Variants in CPA4 observed in about 807,000 individuals in gnomAD.
The protein encoded by CPA4 is carboxypeptidase A3.
CPA4 carries 49 observed loss-of-function variants against 54.7 expected under a neutral mutation model. The ratio of observed to expected loss-of-function variants is 0.90; its 90% CI spans 0.71 to 1.14. CPA4 has a LOEUF of 1.14. Ranked by LOEUF, CPA4 falls within the 50% of genes most tolerant of loss-of-function variation. CPA4 has a pLI of 0.00. For missense variants in CPA4, 487 were observed against 525.1 expected (o/e 0.93, Z 0.71); for synonymous variants, 215 against 206.8 (o/e 1.04, Z -0.34).
At chr7:130,312,384 T>G (rs1408114223) in intron 10 of CPA4, among the ~76,000 whole-genome samples, 2 of 152,180 alleles carry the variant, frequency 1.3e-5, no homozygotes, top group South Asian at 4.1e-4. Flanking sequence ...ATGGTGGTAG[T>G]GGAGTTGGGG....
At chr7:130,313,346 A>G (rs1793941415) in intron 10 of CPA4, among the ~76,000 whole-genome samples, 1 of 152,172 alleles carries the variant, frequency 6.6e-6, no homozygotes, top group Admixed American at 6.5e-5. Flanking sequence ...CCAAGAAGTT[A>G]TTTGGTTGTT....
chr7:130,299,832 T>C (rs374746250), intron 3 of CPA4: 67 of 166,676 alleles, frequency 4.0e-4, no homozygotes, highest in Non-Finnish European at 7.0e-4. Flanking sequence ...AAGTCCCTCT[T>C]TCTTTCCTTC....
At chr7:130,321,464 G>A (rs1372526105) in intron 10 of CPA4, among the ~76,000 whole-genome samples, 2 of 152,164 alleles carry the variant, frequency 1.3e-5, no homozygotes, top group African/African-American at 4.8e-5. Context: ...TAGCTAGATG[G>A]CTCTGGCTCA....
In CPA4 at chr7:130,322,645, TC is replaced by T; in HGVS notation, c.1236del (p.Met413TrpfsTer125). ...GAGACGTGGCTGGGGCTGAAGACCATCATGGAGCATGTGCGGGACAACCTCT... is the reference window on the plus strand; with the variant it reads ...GAGACGTGGCTGGGGCTGAAGACCATATGGAGCATGTGCGGGACAACCTCT... ...AEETWLGLKT[I>X]MEHVRDNLY On this transcript the variant is annotated frameshift_variant, in exon 11 of 11. Transcript: ENST00000222482. LOFTEE classifies it high-confidence loss of function. 1 of 1,614,088 alleles carries T rather than the reference TC, an allele frequency of 6.2e-7. No homozygotes were observed. Among genetic ancestry groups the T allele is most frequent in the Middle Eastern group, 1.7e-4 (1 of 6,054 alleles).
At chr7:130,299,771 T>C (rs1584745588) in intron 3 of CPA4, 1 of 205,714 alleles carries the variant, frequency 4.9e-6, no homozygotes, top group East Asian at 1.0e-4. Context: ...ATTAAATGTA[T>C]GTAAAATGTC....
At chr7:130,301,410 T>A (rs1460541555) in intron 4 of CPA4, among the ~76,000 whole-genome samples, 1 of 152,220 alleles carries the variant, frequency 6.6e-6, no homozygotes, top group Non-Finnish European at 1.5e-5. Flanking sequence ...TATAGATGGC[T>A]GACTTTCAAG....
At chr7:130,319,731 G>A (rs1794057292) in intron 10 of CPA4, among the ~76,000 whole-genome samples, 1 of 152,172 alleles carries the variant, frequency 6.6e-6, no homozygotes, top group Non-Finnish European at 1.5e-5. Context: ...AGCAGATAAA[G>A]TCCTCCAGGC....
Position 130,299,377 on chromosome 7 carries a change from G to A in CPA4, c.258G>A (p.Glu86=). 6.2e-7 allele frequency: 1 copy of A among 1,614,170 alleles called. No individual in the cohort carries two copies. ...FKSFLRSQGL[E]YAVTIEDLQA... ...CCTTCCTGAGATCCCAGGGCTTAGA[G>A]TACGCAGTGACAATTGAGGACCTGC... The change falls in exon 3 of 11, where the codon GAG becomes GAA. Residue 86 remains glutamate, a synonymous_variant. Coordinates refer to ENST00000222482, the MANE Select transcript of CPA4 (RefSeq NM_016352.4).
chr7:130,315,523 C>T (rs1793974808), intron 10 of CPA4, among the ~76,000 whole-genome samples: 1 of 151,838 alleles, frequency 6.6e-6, no homozygotes, highest in African/African-American at 2.4e-5. Flanking sequence ...AGGGCCTGTG[C>T]AAGTGTTTGA....
chr7:130,315,048 G>A (rs1174071050), intron 10 of CPA4, among the ~76,000 whole-genome samples: 2 of 151,912 alleles, frequency 1.3e-5, no homozygotes, highest in African/African-American at 4.8e-5. Flanking sequence ...AGTCCTTGGA[G>A]TTTTGCTGCC....
At chr7:130,299,469 C>A in intron 3 of CPA4, 65 bp downstream of exon 3, 3 of 1,477,234 alleles carry the variant, frequency 2.0e-6, no homozygotes, top group Non-Finnish European at 2.8e-6. Flanking sequence ...CCAGAGTAGA[C>A]CGGAGTGATT....
rs1793788664 is a variant in CPA4 at position 130,304,543 on chromosome 7, A to G, written c.450A>G (p.Gly150=). 1.2e-6 allele frequency: 2 copies of G among 1,613,662 alleles called. No homozygotes were observed. Among genetic ancestry groups the G allele is most frequent in the South Asian group, 1.1e-5 (1 of 91,072 alleles). Residue 150 remains glycine (G), a synonymous_variant, in exon 5 of 11, where the codon GGA becomes GGG. Coordinates refer to ENST00000222482, the MANE Select transcript of CPA4 (RefSeq NM_016352.4). ...FPDLARRVKI[G]HSFENRPMYV... Reference sequence around the variant, plus strand: ...ACCTGGCGAGGAGGGTGAAGATTGGACATTCGTTTGAAAACCGGCCGATGT... The same window carrying G: ...ACCTGGCGAGGAGGGTGAAGATTGGGCATTCGTTTGAAAACCGGCCGATGT...
intron 9 of CPA4, among the ~76,000 whole-genome samples, chr7:130,311,528 C>T (rs1793914288): frequency 6.6e-6 from 1 of 151,658 alleles, no homozygotes; most frequent in African/African-American, 2.4e-5. Context: ...TGCTCCCCCA[C>T]CCCCACCCGG....
At chr7:130,308,223 G>C in intron 7 of CPA4, 84 bp from the exon 8 acceptor site, 1 of 1,165,978 alleles carries the variant, frequency 8.6e-7, no homozygotes, top group Non-Finnish European at 1.3e-6. Context: ...AGCCTGCCCT[G>C]CCTGCGTGTC....
chr7:130,300,137 C>G (rs888886728), intron 3 of CPA4, among the ~76,000 whole-genome samples: 1 of 152,116 alleles, frequency 6.6e-6, no homozygotes, highest in African/African-American at 2.4e-5. Context: ...CAGGAACCTT[C>G]AAAGCACGAG....
intron 10 of CPA4, among the ~76,000 whole-genome samples, chr7:130,316,521 T>C (rs1486985024): frequency 1.3e-5 from 2 of 152,074 alleles, no homozygotes; most frequent in Non-Finnish European, 2.9e-5. Flanking sequence ...AGGGAGGGTT[T>C]TTTGATGTGC....
chr7:130,293,748 G>T (rs745460792), intron 1 of CPA4, among the ~76,000 whole-genome samples: 1 of 152,122 alleles, frequency 6.6e-6, no homozygotes, highest in Non-Finnish European at 1.5e-5. Context: ...GCAGTTTAAT[G>T]CTCTACCCCT....
chr7:130,307,551 G>A (rs1793841310), intron 7 of CPA4, among the ~76,000 whole-genome samples: 1 of 148,330 alleles, frequency 6.7e-6, no homozygotes, highest in African/African-American at 2.5e-5. Context: ...AGAATGACGT[G>A]AACCCGGGAG....
At chr7:130,302,285 A>G (rs2117138500) in intron 4 of CPA4, among the ~76,000 whole-genome samples, 1 of 152,236 alleles carries the variant, frequency 6.6e-6, no homozygotes, top group Non-Finnish European at 1.5e-5. Context: ...TCAGTAGTTC[A>G]GGACCAGCCT....
Sources: gnomAD v4.1 joint callset for allele counts (sites outside exome capture counted in the v4.1 genomes callset) on GRCh38, gnomAD v4.1.1 for gene constraint, MANE v1.5 for transcripts, NCBI Gene and HGNC (gene_info 2026-07-23, HGNC 2026-07-21) for gene names.